Variants in WDR20 observed in about 807,000 individuals in gnomAD.
The protein encoded by WDR20 is WD repeat-containing protein 20.
WDR20 carries 3 observed loss-of-function variants against 38.7 expected under a neutral mutation model. The observed-to-expected ratio is 0.08, with a 90% confidence interval of 0.04 to 0.20. WDR20 has a LOEUF of 0.20. Among genes scored for constraint, WDR20 ranks in the 10% least tolerant of loss-of-function variants. The probability of loss-of-function intolerance (pLI) is 1.00; values close to 1 mark genes in which losing one functional copy is unlikely to be tolerated. For missense variants in WDR20, 559 were observed against 727.7 expected, an observed-to-expected ratio of 0.77 and a Z score of 2.67; for synonymous variants, 298 against 285.6, an observed-to-expected ratio of 1.04 and a Z score of -0.44.
At chr14:102,141,480 C>G (rs2051124572) in intron 1 of WDR20, among the ~76,000 whole-genome samples, 1 of 151,938 alleles carries the variant, frequency 6.6e-6, no homozygotes, top group Non-Finnish European at 1.5e-5. Flanking sequence ...AAGGGTAAAT[C>G]GCTTGACCTT....
chr14:102,195,101 G>A lies in WDR20; in HGVS notation c.413G>A (p.Ser138Asn). ...QLIDPIKKETSKLFNEERLID... is the reference protein window; with the variant it reads ...QLIDPIKKETNKLFNEERLID... ...ATAGACCCAATCAAAAAAGAAACTAGCAAACTTTTTAATGAGGAAGTAAGT... is the reference window on the plus strand; with the variant it reads ...ATAGACCCAATCAAAAAAGAAACTAACAAACTTTTTAATGAGGAAGTAAGT... The change falls in exon 2 of 3, where the codon AGC (serine) becomes AAC (asparagine). Residue 138 changes from serine to asparagine, a missense_variant. Ser to Asn is a conservative substitution (Grantham distance 46). Transcript: ENST00000342702. The A allele has an allele frequency of 6.2e-7, 1 of 1,614,042 alleles. No individual in the cohort carries two copies. Among genetic ancestry groups the A allele is most frequent in the Non-Finnish European group, 8.5e-7 (1 of 1,180,006 alleles).
intron 1 of WDR20, among the ~76,000 whole-genome samples, chr14:102,169,865 A>G (rs754924868): frequency 2.0e-5 from 3 of 152,130 alleles, no homozygotes; most frequent in Non-Finnish European, 4.4e-5. Flanking sequence ...TGCATTGGGA[A>G]TTAGGTATTG....
rs534251460 is a variant in WDR20 at position 102,150,395 on chromosome 14, C to T, written c.249+10223C>T. 7.4e-4 allele frequency among the ~76,000 whole-genome samples: 112 copies of T among 152,146 alleles called. 1 individual carries two copies. The highest frequency in any genetic ancestry group is 2.6e-3 in the African/African-American group (108 of 41,502). On this transcript the variant is annotated intron_variant, in intron 1 of 2. Transcript: ENST00000342702. ...GCCGAGGTAAGAGGATTGCTTGAGC[C>T]CAGGGTGGGGAGGTCGAGGCTGCAC...
In WDR20 at chr14:102,165,984, C is replaced by G. The variant is rs1177559896; in HGVS notation, c.249+25812C>G. ...TTATTCTCTCCTTAATCTTTGAGTT[C>G]TAAGCAAGTGATTTTCTTTTTTTTA... On this transcript the variant is annotated intron_variant, in intron 1 of 2. Transcript: ENST00000342702. Among the ~76,000 whole-genome samples the G allele has an allele frequency of 2.6e-5, 4 of 151,684 alleles. No individual in the cohort carries two copies. In the East Asian group the frequency reaches 7.8e-4, roughly 29 times the overall value.
intron 1 of WDR20, among the ~76,000 whole-genome samples, chr14:102,181,873 T>C (rs1175072279): frequency 6.6e-6 from 1 of 152,160 alleles, no homozygotes; most frequent in Non-Finnish European, 1.5e-5. Flanking sequence ...CAGTTCTAAG[T>C]GGGTTGGCCT....
intron 1 of WDR20, among the ~76,000 whole-genome samples, chr14:102,168,363 G>GA (rs896582782): frequency 3.6e-4 from 54 of 150,954 alleles, no homozygotes; most frequent in Non-Finnish European, 5.8e-4. Context: ...ACTCAAGGAA[G>GA]AAAAAAACTC....
In WDR20 at chr14:102,209,878, T is replaced by C; in HGVS notation, c.1708T>C (p.Ter570GlnextTer8). The C allele has an allele frequency of 6.2e-7, 1 of 1,602,726 alleles. No individual in the cohort carries two copies. The highest frequency in any genetic ancestry group is 8.5e-7 in the Non-Finnish European group (1 of 1,173,366). Residue 570 changes from the stop codon to glutamine (Q), a stop_lost, in exon 3 of 3, where the codon TAA becomes CAA. Coordinates refer to ENST00000342702, the MANE Select transcript of WDR20 (RefSeq NM_144574.4). This position sits in a 1 kb window ranked among gnomAD's most constrained non-coding sequence, Gnocchi z 6.0. The stretch of plus-strand genomic sequence containing the variant: ...TGGTAAAGTGGTAAGTTTTAATCCT[T>C]AATGCTGCACCAGATCTAGAACTTG... ...RPGKVVSFNP* is the reference protein window; with the variant it reads ...RPGKVVSFNPQ
In WDR20 at chr14:102,222,347, A is replaced by AC. The variant is rs746544411; in HGVS notation, c.1693-477dup. Among the ~76,000 whole-genome samples the AC allele has an allele frequency of 2.0e-5, 3 of 152,148 alleles. No homozygotes were observed. The highest frequency in any genetic ancestry group is 1.9e-4 in the East Asian group (1 of 5,172). ...GGTCACACCACCCAACAAAGCAAGA[A>AC]CCCCCCAGCAGAGAATGCCCTTTCA... On this transcript the variant is annotated intron_variant, in intron 3 of 3. Transcript: ENST00000335263. This position sits in a 1 kb window ranked among gnomAD's most constrained non-coding sequence, Gnocchi z 4.4.
Position 102,222,496 on chromosome 14 carries a change from AC to A in WDR20, c.1693-332del, listed in dbSNP as rs2064016787. On this transcript the variant is annotated intron_variant, in intron 3 of 3. Coordinates refer to the WDR20 transcript ENST00000335263. The surrounding 1 kb of genome is among the most constrained non-coding windows in gnomAD (Gnocchi z 4.4). The stretch of plus-strand genomic sequence containing the variant: ...AGGCGCTGAACACCTCCCACGAGGC[AC>A]CTGCACCTTTGGGTCAGCAAAGCTC... Among the ~76,000 whole-genome samples, 2 of 152,292 alleles carry A rather than the reference AC, an allele frequency of 1.3e-5. No homozygotes were observed. The highest frequency in any genetic ancestry group is 3.9e-4 in the East Asian group (2 of 5,174).
At chr14:102,206,288 C>A (rs983709175) in intron 2 of WDR20, among the ~76,000 whole-genome samples, 1 of 152,184 alleles carries the variant, frequency 6.6e-6, no homozygotes, top group Admixed American at 6.5e-5. Context: ...CGCCTGGCCA[C>A]AGTGCAGCTT....
downstream of WDR20, chr14:102,213,310 C>A: frequency 1.0e-6 from 1 of 985,466 alleles, no homozygotes; most frequent in East Asian, 1.1e-4. Context: ...AAAGCAAATG[C>A]ATGTGCAGGA....
At chr14:102,165,169 A>G (rs902195424) in intron 1 of WDR20, among the ~76,000 whole-genome samples, 1 of 151,992 alleles carries the variant, frequency 6.6e-6, no homozygotes, top group Admixed American at 6.6e-5. Context: ...CCTCAGCTCC[A>G]GTCATGGGTG....
chr14:102,164,757 A>G (rs941105787), intron 1 of WDR20, among the ~76,000 whole-genome samples: 1 of 151,962 alleles, frequency 6.6e-6, no homozygotes, highest in African/African-American at 2.4e-5. Flanking sequence ...AGTTCTTTCT[A>G]CTCTACCTAG....
At chr14:102,162,035 AT>A (rs1378878678) in intron 1 of WDR20, among the ~76,000 whole-genome samples, 1 of 152,164 alleles carries the variant, frequency 6.6e-6, no homozygotes, top group Non-Finnish European at 1.5e-5. Flanking sequence ...CAACAACTTG[AT>A]TGCTCTGGAG....
chr14:102,163,003 T>C lies in WDR20; in HGVS notation c.249+22831T>C, dbSNP rs150027042. Among the ~76,000 whole-genome samples the C allele has an allele frequency of 7.0e-3, 1,063 of 152,276 alleles. 5 individuals are homozygous for C. The highest frequency in any genetic ancestry group is 0.011 in the Non-Finnish European group (773 of 68,004). On this transcript the variant is annotated intron_variant, in intron 1 of 2. Coordinates refer to ENST00000342702, the MANE Select transcript of WDR20 (RefSeq NM_144574.4). ...CAGAGGCTTGCTAGCCCTTTTGCATTGATTGAGAGGCTTTTCAAAATTAAT... is the reference window on the plus strand; with the variant it reads ...CAGAGGCTTGCTAGCCCTTTTGCATCGATTGAGAGGCTTTTCAAAATTAAT...
rs959217152 is a variant in WDR20 at position 102,222,348 on chromosome 14, C to T, written c.1693-482C>T. Among the ~76,000 whole-genome samples, 1 of 152,218 alleles carries T rather than the reference C, an allele frequency of 6.6e-6. No individual in the cohort carries two copies. The highest frequency in any genetic ancestry group is 2.4e-5 in the African/African-American group (1 of 41,452). ...GTCACACCACCCAACAAAGCAAGAA[C>T]CCCCCAGCAGAGAATGCCCTTTCAA... On this transcript the variant is annotated intron_variant, in intron 3 of 3. Coordinates refer to the WDR20 transcript ENST00000335263. This position sits in a 1 kb window ranked among gnomAD's most constrained non-coding sequence, Gnocchi z 4.4.
chr14:102,213,998 A>G (rs887513834), downstream of WDR20: 3 of 985,454 alleles, frequency 3.0e-6, no homozygotes, highest in Non-Finnish European at 2.4e-6. Context: ...GGGTGAGGGC[A>G]TGGCGGGGGA....
intron 2 of WDR20, chr14:102,197,733 A>G (rs910897521): frequency 1.1e-5 from 8 of 698,312 alleles, no homozygotes; most frequent in Non-Finnish European, 1.8e-5. Context: ...AGGGAGTGAC[A>G]GGATCAAATG....
downstream of WDR20, chr14:102,212,582 A>G: frequency 6.5e-7 from 1 of 1,535,786 alleles, no homozygotes; most frequent in Non-Finnish European, 8.7e-7. Context: ...ACCAGAACTA[A>G]AAGTGCCCAA....
Sources: gnomAD v4.1 joint callset for allele counts (sites outside exome capture counted in the v4.1 genomes callset) on GRCh38, gnomAD v4.1.1 for gene constraint, Gnocchi (gnomAD v3.1) non-coding constraint, MANE v1.5 for transcripts, NCBI Gene and HGNC (gene_info 2026-07-23, HGNC 2026-07-21) for gene names.